The following ROBO2 variants were observed in gnomAD, a reference collection of about 807,000 sequenced individuals.
ROBO2 encodes roundabout homolog 2.
A neutral mutation model predicts 160.8 loss-of-function variants in ROBO2; 53 were observed. That is an observed-to-expected ratio of 0.33 (90% confidence interval 0.26 to 0.41). The LOEUF (loss-of-function observed/expected upper bound fraction) is 0.41, where lower values mean the gene tolerates loss of function less well. ROBO2 is among the 10% of genes least tolerant of loss of function. ROBO2 has a pLI of 1.00. For synonymous variants in ROBO2, 664 were observed against 611.7 expected (o/e 1.09, Z -1.26); for missense variants, 1,577 against 1,722.4 (o/e 0.92, Z 1.49).
intron 2 of ROBO2, among the ~76,000 whole-genome samples, chr3:77,420,683 A>G (rs2077635764): frequency 6.6e-6 from 1 of 152,140 alleles, no homozygotes; most frequent in East Asian, 1.9e-4. Context: ...TTCATATAGA[A>G]AATGTGTCAT....
At chr3:76,097,828 T>TA (rs1404268402) in intron 2 of ROBO2, among the ~76,000 whole-genome samples, 1 of 152,128 alleles carries the variant, frequency 6.6e-6, no homozygotes, top group Non-Finnish European at 1.5e-5. Context: ...AGTAGTAGCT[T>TA]AAAAAATGAA....
chr3:77,363,397 A>G (rs2070342575), intron 2 of ROBO2, among the ~76,000 whole-genome samples: 1 of 152,164 alleles, frequency 6.6e-6, no homozygotes, highest in Non-Finnish European at 1.5e-5. Context: ...GATATTGGCA[A>G]ACTTTTTCCA....
chr3:76,875,566 C>T (rs1164264344), intron 2 of ROBO2, among the ~76,000 whole-genome samples: 1 of 152,124 alleles, frequency 6.6e-6, no homozygotes, highest in Non-Finnish European at 1.5e-5. Context: ...TTGCCTTTTC[C>T]AGCCTCCAGA....
At chr3:76,974,306 T>C (rs1317236156) in intron 2 of ROBO2, among the ~76,000 whole-genome samples, 4 of 152,188 alleles carry the variant, frequency 2.6e-5, no homozygotes, top group Non-Finnish European at 5.9e-5. Flanking sequence ...CCCCCCTTTT[T>C]CTTATTTTTC....
intron 2 of ROBO2, among the ~76,000 whole-genome samples, chr3:77,257,334 C>T (rs2153322323): frequency 6.6e-6 from 1 of 152,252 alleles, no homozygotes; most frequent in East Asian, 1.9e-4. Flanking sequence ...CCAGTGAGTG[C>T]TTTTTATGGC....
chr3:76,834,061 CTTT>C (rs778939011), intron 2 of ROBO2, among the ~76,000 whole-genome samples: 1 of 34,828 alleles, frequency 2.9e-5, no homozygotes, highest in African/African-American at 1.2e-4. Flanking sequence ...TCCTTTCTTT[CTTT>C]TCTTTCTTTC....
intron 2 of ROBO2, among the ~76,000 whole-genome samples, chr3:76,162,162 A>G (rs996363453): frequency 6.6e-6 from 1 of 152,142 alleles, no homozygotes; most frequent in Non-Finnish European, 1.5e-5. Flanking sequence ...ATTTATTGGT[A>G]TCAGGCATTG....
intron 2 of ROBO2, among the ~76,000 whole-genome samples, chr3:76,729,478 G>A (rs1487084387): frequency 1.3e-5 from 2 of 151,980 alleles, no homozygotes; most frequent in Non-Finnish European, 2.9e-5. Context: ...TTTTATGACT[G>A]TCATGAGAAT....
intron 2 of ROBO2, among the ~76,000 whole-genome samples, chr3:76,574,629 A>G (rs2085171376): frequency 1.3e-5 from 2 of 152,132 alleles, no homozygotes; most frequent in African/African-American, 4.8e-5. Context: ...GAGTATACCC[A>G]CTTCCTATCA....
chr3:76,675,147 C>T (rs186461189), intron 2 of ROBO2, among the ~76,000 whole-genome samples: 27 of 152,268 alleles, frequency 1.8e-4, no homozygotes, highest in Admixed American at 3.3e-4. Context: ...GAATTAGTTG[C>T]ATGTCTCTCT....
At chr3:76,197,518 T>TA (rs1702317894) in intron 2 of ROBO2, among the ~76,000 whole-genome samples, 1 of 152,152 alleles carries the variant, frequency 6.6e-6, no homozygotes, top group African/African-American at 2.4e-5. Flanking sequence ...TTTTGGGGAG[T>TA]GATAATCCAC....
At chr3:76,253,244 ATAG>A (rs1706148896) in intron 2 of ROBO2, among the ~76,000 whole-genome samples, 1 of 152,034 alleles carries the variant, frequency 6.6e-6, no homozygotes, top group South Asian at 2.1e-4. Flanking sequence ...AATGTAATGA[ATAG>A]TATCACTTTA....
At chr3:76,094,058 C>T (rs947340388) in intron 2 of ROBO2, among the ~76,000 whole-genome samples, 1 of 152,054 alleles carries the variant, frequency 6.6e-6, no homozygotes, top group African/African-American at 2.4e-5. Context: ...CTGACAACCA[C>T]AGGTACATGG....
chr3:77,406,462 AT>A (rs141818414), intron 2 of ROBO2, among the ~76,000 whole-genome samples: 2 of 152,146 alleles, frequency 1.3e-5, no homozygotes, highest in African/African-American at 4.8e-5. Context: ...TGGATCAATT[AT>A]TTTTTTGTTT....
chr3:77,165,432 C>T (rs1186762512), intron 2 of ROBO2, among the ~76,000 whole-genome samples: 21 of 148,110 alleles, frequency 1.4e-4, no homozygotes, highest in Non-Finnish European at 9.0e-5. Flanking sequence ...TGCGGAAGGC[C>T]GCAGGGTCCT....
intron 2 of ROBO2, among the ~76,000 whole-genome samples, chr3:76,683,937 A>G (rs941068818): frequency 7.9e-5 from 12 of 152,242 alleles, no homozygotes; most frequent in African/African-American, 2.9e-4. Flanking sequence ...CTCTTTAAAC[A>G]TAGATAAATT....
chr3:77,640,001 G>C (rs1280532545), intron 24 of ROBO2, among the ~76,000 whole-genome samples: 1 of 150,904 alleles, frequency 6.6e-6, no homozygotes, highest in Non-Finnish European at 1.5e-5. Context: ...AATTAACATA[G>C]GCCATAAAGA....
chr3:77,446,658 C>A (rs1174723810), intron 2 of ROBO2, among the ~76,000 whole-genome samples: 1 of 152,054 alleles, frequency 6.6e-6, no homozygotes, highest in Non-Finnish European at 1.5e-5. Context: ...TACAATGAAA[C>A]TATTCCCACA....
At chr3:76,968,126 A>G (rs2059399834) in intron 2 of ROBO2, among the ~76,000 whole-genome samples, 1 of 152,206 alleles carries the variant, frequency 6.6e-6, no homozygotes, top group Admixed American at 6.5e-5. Context: ...CATTGCACTC[A>G]AACACCAAAT....
Sources: gnomAD v4.1 joint callset for allele counts (sites outside exome capture counted in the v4.1 genomes callset) on GRCh38, gnomAD v4.1.1 for gene constraint, MANE v1.5 for transcripts, NCBI Gene and HGNC (gene_info 2026-07-23, HGNC 2026-07-21) for gene names.